DENND4C: variants seen among roughly 807,000 people sequenced by gnomAD.
DENND4C encodes the protein DENN domain containing 4C.
DENND4C carries 108 observed loss-of-function variants against 203.0 expected under a neutral mutation model. The observed-to-expected ratio is 0.53, with a 90% CI of 0.46 to 0.62. The LOEUF is 0.62. DENND4C is among the 20% of genes least tolerant of loss of function. DENND4C has a pLI of 0.00. For synonymous variants in DENND4C, 871 were observed against 792.4 expected (o/e 1.10, Z -1.67); for missense variants, 2,481 against 2,301.2 (o/e 1.08, Z -1.60).
chr9:19,353,382 C>G (rs1280334714), intron 26 of DENND4C, among the ~76,000 whole-genome samples: 2 of 152,172 alleles, frequency 1.3e-5, no homozygotes, highest in African/African-American at 4.8e-5. Context: ...AATCCTAGCA[C>G]TTTGGGAGGC....
At chr9:19,278,675 T>A (rs1251049996) in intron 2 of DENND4C, among the ~76,000 whole-genome samples, 3 of 152,238 alleles carry the variant, frequency 2.0e-5, no homozygotes, top group Non-Finnish European at 4.4e-5. Context: ...TTTATCTTAC[T>A]TGACCTTTAT....
rs1246279791 is a variant in DENND4C, at chr9:19,350,755, G to T, written c.4371G>T (p.Leu1457Phe). 1.2e-6 allele frequency: 2 copies of T among 1,613,788 alleles called. No individual in the cohort carries two copies. The highest frequency in any genetic ancestry group is 2.2e-5 in the East Asian group (1 of 44,860). Reference protein sequence around the residue: ...SFPAGLEDHILGENISPNTSI... With the variant: ...SFPAGLEDHIFGENISPNTSI... ...CAGCTGGCCTAGAAGACCATATTTT[G>T]GGGGAGAATATATCGCCTAACACAA... The change falls in exon 24 of 33, where the codon TTG (leucine) becomes TTT (phenylalanine). Residue 1457 changes from leucine (L) to phenylalanine (F), a missense_variant. Transcript: ENST00000434457.
chr9:19,353,101 CAA>C (rs1824529980), intron 26 of DENND4C, among the ~76,000 whole-genome samples: 1 of 151,950 alleles, frequency 6.6e-6, no homozygotes, highest in African/African-American at 2.4e-5. Flanking sequence ...TTAGAAGAAA[CAA>C]AGGGGAAAAA....
intron 10 of DENND4C, among the ~76,000 whole-genome samples, chr9:19,310,677 A>G (rs371778321): frequency 6.6e-6 from 1 of 152,188 alleles, no homozygotes; most frequent in South Asian, 2.1e-4. Flanking sequence ...TGAATTTTAT[A>G]AATACTTTTT....
chr9:19,287,936 TG>T (rs1835539263), intron 3 of DENND4C, among the ~76,000 whole-genome samples: 1 of 152,100 alleles, frequency 6.6e-6, no homozygotes, highest in Non-Finnish European at 1.5e-5. Flanking sequence ...TTCACCATGT[TG>T]GTTGGCCAGG....
chr9:19,247,512 C>T (rs1258771133), intron 1 of DENND4C, among the ~76,000 whole-genome samples: 4 of 152,210 alleles, frequency 2.6e-5, no homozygotes, highest in Non-Finnish European at 5.9e-5. Context: ...CCTCCTGCCT[C>T]AGCCTCCTGA....
intron 2 of DENND4C, among the ~76,000 whole-genome samples, chr9:19,285,827 A>T (rs943058623): frequency 1.3e-5 from 2 of 152,110 alleles, no homozygotes; most frequent in African/African-American, 2.4e-5. Flanking sequence ...TTCCTTCCTG[A>T]TTGCATTGTC....
intron 30 of DENND4C, among the ~76,000 whole-genome samples, chr9:19,364,436 C>G (rs978412730): frequency 6.6e-6 from 1 of 152,170 alleles, no homozygotes; most frequent in Admixed American, 6.5e-5. Context: ...TATAGAAATA[C>G]AGTACACAGC....
chr9:19,247,607 C>T (rs550699438), intron 1 of DENND4C, among the ~76,000 whole-genome samples: 14 of 152,196 alleles, frequency 9.2e-5, no homozygotes, highest in African/African-American at 2.9e-4. Context: ...GTTGCCCAGG[C>T]TGGTCTCGAA....
At chr9:19,322,190 T>A (rs945842356) in intron 12 of DENND4C, among the ~76,000 whole-genome samples, 1 of 151,792 alleles carries the variant, frequency 6.6e-6, no homozygotes, top group Non-Finnish European at 1.5e-5. Flanking sequence ...TGTAGTAGGG[T>A]TGTTGGTGAG....
At chr9:19,344,412 C>T (rs148727256) in intron 22 of DENND4C, among the ~76,000 whole-genome samples, 1 of 152,172 alleles carries the variant, frequency 6.6e-6, no homozygotes, top group African/African-American at 2.4e-5. Flanking sequence ...GGAAAGATCG[C>T]TTGAGGCCAG....
At chr9:19,235,356 G>C (rs1442261022) in intron 1 of DENND4C, among the ~76,000 whole-genome samples, 1 of 152,210 alleles carries the variant, frequency 6.6e-6, no homozygotes, top group Admixed American at 6.5e-5. Context: ...TTGAAACAAG[G>C]TGAAAGGCTG....
Position 19,298,140 on chromosome 9 carries a change from T to C in DENND4C, c.1107+18T>C. On this transcript the variant is annotated intron_variant, in intron 7 of 32. Coordinates refer to ENST00000434457, the MANE Select transcript of DENND4C (RefSeq NM_001330640.2). ...TTGTCCAGGTAATCAAAAGAGAGTATATTTGGGGAGAACTTTGCATATGCT... is the reference window on the plus strand; with the variant it reads ...TTGTCCAGGTAATCAAAAGAGAGTACATTTGGGGAGAACTTTGCATATGCT... The C allele has an allele frequency of 2.5e-6, 4 of 1,601,812 alleles. No individual in the cohort carries two copies. Among genetic ancestry groups the C allele is most frequent in the East Asian group, 2.2e-5 (1 of 44,550 alleles).
chr9:19,372,084 G>C lies in DENND4C; in HGVS notation c.5788G>C (p.Glu1930Gln), dbSNP rs1589005815. Residue 1930 changes from glutamate to glutamine, a missense_variant, in exon 33 of 33, where the codon GAG becomes CAG. Coordinates refer to ENST00000434457, the MANE Select transcript of DENND4C (RefSeq NM_001330640.2). ...AATTGCATACAATAGTCTGTCTTCA[G>C]AGATTCTTGAAAGGTTGCAGAAAAT... Reference protein sequence around the residue: ...YGIAYNSLSSEILERLQKIDA... With the variant: ...YGIAYNSLSSQILERLQKIDA... The C allele has an allele frequency of 6.2e-7, 1 of 1,614,072 alleles. No individual in the cohort carries two copies. The highest frequency in any genetic ancestry group is 2.2e-5 in the East Asian group (1 of 44,872).
intron 1 of DENND4C, among the ~76,000 whole-genome samples, chr9:19,239,354 T>C (rs1386857397): frequency 6.6e-6 from 1 of 152,178 alleles, no homozygotes; most frequent in Admixed American, 6.5e-5. Flanking sequence ...TCAGGGGTTA[T>C]TTAGGAGACT....
In DENND4C at chr9:19,336,747, T is replaced by C; in HGVS notation, c.2796T>C (p.Ser932=). The part of the protein sequence containing the change: ...GDTVSHGSVD[S]SNDANNGEHT... ...CGGTGAGCCACGGTAGTGTGGATAG[T>C]TCTAATGATGCTAACAATGGGGAGC... Residue 932 remains serine (S), a synonymous_variant, in exon 20 of 33, where the codon AGT becomes AGC. Coordinates refer to ENST00000434457, the MANE Select transcript of DENND4C (RefSeq NM_001330640.2). 1 of 1,551,052 alleles carries C rather than the reference T, an allele frequency of 6.4e-7. No individual in the cohort carries two copies. The highest frequency in any genetic ancestry group is 1.2e-5 in the South Asian group (1 of 84,064).
At chr9:19,275,125 C>T (rs910213895) in intron 1 of DENND4C, among the ~76,000 whole-genome samples, 1 of 150,774 alleles carries the variant, frequency 6.6e-6, no homozygotes, top group African/African-American at 2.4e-5. Flanking sequence ...TTACAGGTGC[C>T]CACCACCACA....
chr9:19,270,186 C>T (rs549499852), intron 1 of DENND4C, among the ~76,000 whole-genome samples: 1 of 152,278 alleles, frequency 6.6e-6, no homozygotes, highest in African/African-American at 2.4e-5. Flanking sequence ...CTGCAACCAC[C>T]ACCACTGGGA....
At chr9:19,267,824 C>A (rs1003246097) in intron 1 of DENND4C, among the ~76,000 whole-genome samples, 7 of 152,152 alleles carry the variant, frequency 4.6e-5, no homozygotes, top group African/African-American at 1.7e-4. Context: ...TAGGCATGAA[C>A]CACTGTGCCC....
Sources: allele counts gnomAD v4.1 joint callset (sites outside exome capture counted in the v4.1 genomes callset), GRCh38; gene constraint gnomAD v4.1.1; transcripts MANE v1.5; gene names NCBI Gene and HGNC (gene_info 2026-07-23, HGNC 2026-07-21).